The following GRM7 variants were observed in gnomAD, a reference collection of about 807,000 sequenced individuals.
GRM7 encodes the protein metabotropic glutamate receptor 7.
In GRM7, 35 loss-of-function variants were observed where a neutral mutation model predicts 84.5. The observed-to-expected ratio is 0.41, with a 90% CI of 0.32 to 0.55. The LOEUF is 0.55. Among genes scored for constraint, GRM7 ranks in the 20% least tolerant of loss-of-function variants. The pLI is 0.19. For missense variants in GRM7, 1,003 were observed against 1,194.6 expected, an observed-to-expected ratio of 0.84 and a Z score of 2.36; for synonymous variants, 487 against 455.1, an observed-to-expected ratio of 1.07 and a Z score of -0.89.
At chr3:7,025,726 T>C (rs17216314) in intron 1 of GRM7, among the ~76,000 whole-genome samples, 79,673 of 152,048 alleles carry the variant, frequency 0.52, 21,622 homozygotes, top group African/African-American at 0.66. Context: ...TACTCTAACA[T>C]TGGCCTCTTG....
At chr3:7,599,356 C>A (rs149258206) in intron 8 of GRM7, among the ~76,000 whole-genome samples, 5 of 152,200 alleles carry the variant, frequency 3.3e-5, no homozygotes, top group African/African-American at 9.6e-5. Context: ...ATTTACTTCA[C>A]CCTGGCTATT....
intron 9 of GRM7, among the ~76,000 whole-genome samples, chr3:7,729,976 G>GC (rs566648231): frequency 1.5e-3 from 214 of 143,390 alleles, no homozygotes; most frequent in African/African-American, 5.3e-3. Flanking sequence ...CTGGGTTCAA[G>GC]CAATTCTCCT....
At chr3:7,722,171 T>C (rs1701973346) in intron 9 of GRM7, among the ~76,000 whole-genome samples, 1 of 152,186 alleles carries the variant, frequency 6.6e-6, no homozygotes, top group Admixed American at 6.5e-5. Context: ...GAGAGAAAAG[T>C]ACTTGAAAAC....
At position 6,861,284 on chromosome 3, in the gene GRM7, C is replaced by T; in HGVS notation, c.-105C>T. The T allele has an allele frequency of 1.0e-6, 1 of 1,004,418 alleles. No homozygotes were observed. The highest frequency in any genetic ancestry group is 1.3e-6 in the Non-Finnish European group (1 of 741,048). 62.2% of individuals were successfully genotyped at this position (1,004,418 alleles called of 1,614,324 possible). On this transcript the variant is annotated 5_prime_UTR_variant, in exon 1 of 10. Transcript: ENST00000357716. This position sits in a 1 kb window ranked among gnomAD's most constrained non-coding sequence, Gnocchi z 6.4. ...CCCCCACCCTCCGTGCCTGCAGGAGCCCCTGGGCTTTCCCGGAGGAGCTCG... is the reference window on the plus strand; with the variant it reads ...CCCCCACCCTCCGTGCCTGCAGGAGTCCCTGGGCTTTCCCGGAGGAGCTCG...
intron 9 of GRM7, among the ~76,000 whole-genome samples, chr3:7,732,741 C>T (rs547405649): frequency 2.0e-5 from 3 of 152,318 alleles, no homozygotes; most frequent in African/African-American, 7.2e-5. Context: ...CTGAACCACA[C>T]TGGTACTGGT....
Position 7,461,611 on chromosome 3 carries a change from C to T in GRM7, c.1404C>T (p.Asn468=). 5 of 1,612,720 alleles carry T rather than the reference C, an allele frequency of 3.1e-6. No individual in the cohort carries two copies. Among genetic ancestry groups the T allele is most frequent in the Non-Finnish European group, 4.2e-6 (5 of 1,178,768 alleles). Residue 468 remains asparagine, a synonymous_variant, in exon 7 of 10, where the codon AAC becomes AAT. Transcript: ENST00000357716. ...GTGCTGGCACTCCAGTGATGTTTAACAAGAACGGGGATGCACCTGGGCGTT... is the reference window on the plus strand; with the variant it reads ...GTGCTGGCACTCCAGTGATGTTTAATAAGAACGGGGATGCACCTGGGCGTT... ...NGSAGTPVMF[N]KNGDAPGRYD...
chr3:7,667,280 A>AAAAAGAG (rs1553634441), intron 8 of GRM7, among the ~76,000 whole-genome samples: 2 of 148,908 alleles, frequency 1.3e-5, no homozygotes, highest in South Asian at 2.1e-4. Flanking sequence ...AAAAAAAAAA[A>AAAAAGAG]AGAGAGAGAG....
At chr3:7,439,010 A>G (rs1280710590) in intron 5 of GRM7, among the ~76,000 whole-genome samples, 2 of 152,196 alleles carry the variant, frequency 1.3e-5, no homozygotes, top group East Asian at 3.9e-4. Flanking sequence ...TATCGCAGAT[A>G]CAAAGCATAA....
intron 1 of GRM7, among the ~76,000 whole-genome samples, chr3:6,920,704 C>A (rs1422282914): frequency 6.6e-6 from 1 of 152,096 alleles, no homozygotes; most frequent in Non-Finnish European, 1.5e-5. Context: ...ACTCTAATAC[C>A]CATGATTTCC....
At chr3:7,736,250 T>A (rs1183204062) in intron 9 of GRM7, among the ~76,000 whole-genome samples, 1 of 152,298 alleles carries the variant, frequency 6.6e-6, no homozygotes, top group Non-Finnish European at 1.5e-5. Flanking sequence ...GTTAAAAAAA[T>A]TTAGATATCA....
At chr3:7,324,966 T>C (rs1700929073) in intron 4 of GRM7, among the ~76,000 whole-genome samples, 1 of 152,212 alleles carries the variant, frequency 6.6e-6, no homozygotes, top group Non-Finnish European at 1.5e-5. Flanking sequence ...AACGTGTAAT[T>C]TATCTCCTCA....
At chr3:7,177,922 A>C (rs1317422605) in intron 2 of GRM7, among the ~76,000 whole-genome samples, 2 of 152,200 alleles carry the variant, frequency 1.3e-5, no homozygotes, top group Non-Finnish European at 2.9e-5. Flanking sequence ...TGCTTTTCTG[A>C]AATAACTCCT....
At chr3:7,224,600 G>A (rs905643720) in intron 2 of GRM7, among the ~76,000 whole-genome samples, 10 of 152,158 alleles carry the variant, frequency 6.6e-5, no homozygotes, top group African/African-American at 2.4e-4. Context: ...GAAATGAGGA[G>A]CTTAGTGGAT....
At chr3:6,868,880 G>A (rs1169483418) in intron 1 of GRM7, among the ~76,000 whole-genome samples, 1 of 152,036 alleles carries the variant, frequency 6.6e-6, no homozygotes, top group East Asian at 1.9e-4. Context: ...TTTATAATTG[G>A]TCATTTGCAG....
At chr3:7,282,498 T>C (rs556405657) in intron 2 of GRM7, among the ~76,000 whole-genome samples, 1 of 152,308 alleles carries the variant, frequency 6.6e-6, no homozygotes, top group African/African-American at 2.4e-5. Context: ...ACACTTGTCA[T>C]CACTAGATCA....
At chr3:7,278,802 A>G (rs1434223804) in intron 2 of GRM7, among the ~76,000 whole-genome samples, 1 of 152,192 alleles carries the variant, frequency 6.6e-6, no homozygotes, top group Non-Finnish European at 1.5e-5. Context: ...CTTGGAATAC[A>G]GAGACTTCTC....
At chr3:6,967,404 AGGCTGATCTCCAACTCCT>A (rs1208322611) in intron 1 of GRM7, among the ~76,000 whole-genome samples, 2 of 152,208 alleles carry the variant, frequency 1.3e-5, no homozygotes, top group Non-Finnish European at 2.9e-5. Context: ...CCATGTTGCC[AGGCTGATCTCCAACTCCT>A]GGGCTCAAAT....
chr3:7,357,443 C>G (rs1163573139), intron 4 of GRM7, among the ~76,000 whole-genome samples: 1 of 152,020 alleles, frequency 6.6e-6, no homozygotes, highest in African/African-American at 2.4e-5. Context: ...CCTCTTACCC[C>G]CTTCAATAGT....
chr3:7,133,897 G>A (rs113791276), intron 1 of GRM7, among the ~76,000 whole-genome samples: 5 of 152,104 alleles, frequency 3.3e-5, no homozygotes, highest in South Asian at 2.1e-4. Flanking sequence ...GGGATACCAC[G>A]TTGGGATGGA....
Sources: allele counts gnomAD v4.1 joint callset (sites outside exome capture counted in the v4.1 genomes callset), GRCh38; gene constraint gnomAD v4.1.1; non-coding constraint Gnocchi (gnomAD v3.1); transcripts MANE v1.5; gene names NCBI Gene and HGNC (gene_info 2026-07-23, HGNC 2026-07-21).